FAAH2: variants seen among roughly 807,000 people sequenced by gnomAD.
FAAH2 encodes fatty acid amide hydrolase 2.
In FAAH2, 60 loss-of-function variants were observed where a neutral mutation model predicts 36.9. That is an observed-to-expected ratio of 1.63 (90% CI 1.32 to 2.02). The LOEUF is 2.02. Ranked by LOEUF, FAAH2 falls within the 30% of genes most tolerant of loss-of-function variation. The pLI is 0.00. For missense variants in FAAH2, 689 were observed against 397.5 expected (o/e 1.73, Z -6.23); for synonymous variants, 214 against 143.8 (o/e 1.49, Z -3.49).
intron 7 of FAAH2, among the ~76,000 whole-genome samples, chrX:57,400,490 G>A (rs776679459): frequency 8.9e-6 from 1 of 112,328 alleles, no homozygotes; most frequent in Non-Finnish European, 1.9e-5. Context: ...ACTTGGGTTA[G>A]AGCCTTCTTT....
intron 10 of FAAH2, among the ~76,000 whole-genome samples, chrX:57,485,243 C>A (rs778940871): frequency 8.9e-6 from 1 of 111,807 alleles, no homozygotes; most frequent in East Asian, 2.8e-4. Context: ...TCCCTACTCT[C>A]TCCCTGGCCC....
the FAAH2 span, among the ~76,000 whole-genome samples, chrX:57,264,720 C>T: frequency 8.9e-6 from 1 of 112,281 alleles, no homozygotes; most frequent in African/African-American, 3.2e-5. Context: ...CTATCATAAA[C>T]ACGCATGCAC....
the FAAH2 span, among the ~76,000 whole-genome samples, chrX:57,269,107 A>G: frequency 8.9e-6 from 1 of 111,953 alleles, no homozygotes; most frequent in East Asian, 2.8e-4. Context: ...AGTAGAACTG[A>G]CAAGCATCAA....
At chrX:57,208,058 T>C in the FAAH2 span, among the ~76,000 whole-genome samples, 1 of 112,830 alleles carries the variant, frequency 8.9e-6, no homozygotes, top group Non-Finnish European at 1.9e-5. Context: ...CAAGCCTCTA[T>C]ATCACCCTCT....
At chrX:57,460,036 T>TA (rs1337353762) in intron 10 of FAAH2, among the ~76,000 whole-genome samples, 2 of 111,146 alleles carry the variant, frequency 1.8e-5, no homozygotes, top group East Asian at 2.8e-4. Flanking sequence ...ACGTGGGTGA[T>TA]AAAAAACTCA....
intron 7 of FAAH2, among the ~76,000 whole-genome samples, chrX:57,428,902 G>T (rs925536997): frequency 2.7e-5 from 3 of 112,066 alleles, no homozygotes; most frequent in African/African-American, 9.7e-5. Flanking sequence ...AAACTAAAGT[G>T]CTTCTTTACA....
In FAAH2 at chrX:57,408,914, C is replaced by T. The variant is rs189708374; in HGVS notation, c.997-23004C>T. Among the ~76,000 whole-genome samples the T allele has an allele frequency of 2.3e-3, 260 of 111,126 alleles. 1 individual carries two copies. The highest frequency in any genetic ancestry group is 3.6e-3 in the Non-Finnish European group (192 of 52,903). ...ACTTGTGTCCCTTAACTATGGGATA[C>T]ATTTGTAGAAATGCATTGTTAGACG... is the stretch of plus-strand genomic sequence containing the variant. On this transcript the variant is annotated intron_variant, in intron 7 of 10. Transcript: ENST00000374900.
At chrX:57,424,227 C>T (rs996365602) in intron 7 of FAAH2, among the ~76,000 whole-genome samples, 2 of 112,311 alleles carry the variant, frequency 1.8e-5, no homozygotes, top group African/African-American at 3.2e-5. Context: ...CACTGAAGGA[C>T]GTGAGGACAG....
intron 10 of FAAH2, among the ~76,000 whole-genome samples, chrX:57,479,354 T>C (rs1338606094): frequency 1.8e-5 from 2 of 112,212 alleles, no homozygotes; most frequent in Admixed American, 1.9e-4. Context: ...CTTGAGACTT[T>C]GCTGAAGTTG....
At chrX:57,435,649 T>A (rs1016461400) in intron 8 of FAAH2, among the ~76,000 whole-genome samples, 1 of 110,444 alleles carries the variant, frequency 9.1e-6, no homozygotes, top group African/African-American at 3.3e-5. Flanking sequence ...GGATATAACA[T>A]TACTCAGTAT....
chrX:57,460,395 G>C, intron 10 of FAAH2, among the ~76,000 whole-genome samples: 1 of 111,553 alleles, frequency 9.0e-6, no homozygotes, highest in East Asian at 2.8e-4. Context: ...TAAATGTTAA[G>C]GGCAGCTAGA....
chrX:57,467,270 G>C (rs1052984507), intron 10 of FAAH2, among the ~76,000 whole-genome samples: 1 of 110,937 alleles, frequency 9.0e-6, no homozygotes, highest in Admixed American at 9.6e-5. Context: ...AGCGGGTGCA[G>C]TGCAATGAGA....
Position 57,441,085 on chromosome X carries a change from G to T in FAAH2, c.1117-5843G>T, listed in dbSNP as rs751243970. Reference sequence around the variant, plus strand: ...TCTCTTTTTTTGTTGTTGTGTTTCTGCCAGGCTTTGGTATCAGGATGATGT... The same window carrying T: ...TCTCTTTTTTTGTTGTTGTGTTTCTTCCAGGCTTTGGTATCAGGATGATGT... On this transcript the variant is annotated intron_variant, in intron 8 of 10. Coordinates refer to ENST00000374900, the MANE Select transcript of FAAH2 (RefSeq NM_174912.4). Among the ~76,000 whole-genome samples, 24 of 111,291 alleles carry T rather than the reference G, an allele frequency of 2.2e-4. No individual in the cohort carries two copies. The South Asian group carries it at 8.6e-3, about 40-fold the overall frequency.
the FAAH2 span, among the ~76,000 whole-genome samples, chrX:57,187,865 T>G: frequency 8.3e-4 from 93 of 111,972 alleles, no homozygotes; most frequent in Middle Eastern, 4.6e-3. Flanking sequence ...TGATTACGTT[T>G]ATCTATTTGC....
chrX:57,331,526 T>G, intron 3 of FAAH2, 72 bp from the exon 4 acceptor site: 1 of 954,469 alleles, frequency 1.0e-6, no homozygotes, highest in Non-Finnish European at 1.4e-6. Flanking sequence ...TAGTTGGCCA[T>G]CTTGCCCCTC....
chrX:57,292,845 A>T (rs1170660053), intron 2 of FAAH2, among the ~76,000 whole-genome samples: 1 of 111,850 alleles, frequency 8.9e-6, no homozygotes, highest in Non-Finnish European at 1.9e-5. Flanking sequence ...AACATCCAGA[A>T]CAAGGTCTAC....
the FAAH2 span, among the ~76,000 whole-genome samples, chrX:57,269,402 C>CA: frequency 1.8e-4 from 20 of 110,997 alleles, no homozygotes; most frequent in African/African-American, 6.2e-4. Context: ...AACTCTCCAC[C>CA]AAAAAAATAA....
chrX:57,160,931 A>G, the FAAH2 span, among the ~76,000 whole-genome samples: 2 of 111,538 alleles, frequency 1.8e-5, no homozygotes, highest in Non-Finnish European at 3.8e-5. Context: ...TTGCTTCTGT[A>G]GTTCTTTTAA....
intron 10 of FAAH2, among the ~76,000 whole-genome samples, chrX:57,485,108 C>A (rs1439568619): frequency 9.0e-6 from 1 of 111,658 alleles, no homozygotes; most frequent in African/African-American, 3.3e-5. Context: ...TTGGGTAGGG[C>A]AAGTCCCCAA....
Sources: allele counts gnomAD v4.1 joint callset (sites outside exome capture counted in the v4.1 genomes callset), GRCh38; gene constraint gnomAD v4.1.1; transcripts MANE v1.5; gene names NCBI Gene and HGNC (gene_info 2026-07-23, HGNC 2026-07-21).